GRIN3A: variants seen among roughly 807,000 people sequenced by gnomAD.
The protein encoded by GRIN3A is glutamate receptor ionotropic, NMDA 3A.
A neutral mutation model predicts 92.4 loss-of-function variants in GRIN3A; 47 were observed. That is an observed-to-expected ratio of 0.51 (90% CI 0.40 to 0.65). The LOEUF is 0.65. GRIN3A is among the 30% of genes least tolerant of loss of function. The pLI is 0.00. For missense variants in GRIN3A, 1,324 were observed against 1,393.1 expected, an observed-to-expected ratio of 0.95 and a Z score of 0.79; for synonymous variants, 527 against 540.6, an observed-to-expected ratio of 0.97 and a Z score of 0.35.
At chr9:101,666,058 T>C (rs932365989) in intron 3 of GRIN3A, among the ~76,000 whole-genome samples, 1 of 151,920 alleles carries the variant, frequency 6.6e-6, no homozygotes, top group Non-Finnish European at 1.5e-5. Flanking sequence ...GCTGCATGAA[T>C]TTATGAGTCA....
chr9:101,712,360 A>G (rs1323432195), intron 1 of GRIN3A, among the ~76,000 whole-genome samples: 2 of 152,182 alleles, frequency 1.3e-5, no homozygotes, highest in Non-Finnish European at 2.9e-5. Flanking sequence ...TTTGAACTAC[A>G]GAGTGCAATT....
chr9:101,599,343 C>A (rs1828181650), intron 6 of GRIN3A, among the ~76,000 whole-genome samples: 3 of 152,156 alleles, frequency 2.0e-5, no homozygotes, highest in Non-Finnish European at 4.4e-5. Context: ...CCATTCTACT[C>A]TGTGCTGTAG....
At chr9:101,707,233 CAT>C (rs1829824778) in intron 1 of GRIN3A, among the ~76,000 whole-genome samples, 1 of 152,236 alleles carries the variant, frequency 6.6e-6, no homozygotes, top group Non-Finnish European at 1.5e-5. Flanking sequence ...GTTGTAGCTA[CAT>C]CAGCAGAAAT....
At chr9:101,711,926 G>A (rs959699417) in intron 1 of GRIN3A, among the ~76,000 whole-genome samples, 1 of 152,146 alleles carries the variant, frequency 6.6e-6, no homozygotes, top group African/African-American at 2.4e-5. Flanking sequence ...TCAACCAGCA[G>A]GGTAAAGGTC....
chr9:101,577,931 T>C, intron 7 of GRIN3A, 87 bp from the exon 8 acceptor site: 1 of 945,824 alleles, frequency 1.1e-6, no homozygotes, highest in East Asian at 2.4e-5. Context: ...TAACAGTATA[T>C]GTAGTCGTTA....
At chr9:101,637,365 A>T (rs533053716) in intron 3 of GRIN3A, among the ~76,000 whole-genome samples, 54 of 152,178 alleles carry the variant, frequency 3.5e-4, no homozygotes, top group African/African-American at 1.2e-3. Context: ...AGCACTGGAC[A>T]TTTTAACATT....
intron 3 of GRIN3A, among the ~76,000 whole-genome samples, chr9:101,665,575 A>T (rs1466188378): frequency 6.6e-6 from 1 of 151,990 alleles, no homozygotes; most frequent in Non-Finnish European, 1.5e-5. Context: ...TAAAGCAGAT[A>T]GTAAGTCAGT....
At chr9:101,576,760 G>A (rs1827833134) in intron 8 of GRIN3A, among the ~76,000 whole-genome samples, 1 of 152,140 alleles carries the variant, frequency 6.6e-6, no homozygotes, top group African/African-American at 2.4e-5. Context: ...TGAGAGGGGA[G>A]GGGAGAGTGC....
intron 3 of GRIN3A, among the ~76,000 whole-genome samples, chr9:101,638,890 T>A (rs912645976): frequency 1.3e-5 from 2 of 152,220 alleles, no homozygotes; most frequent in Non-Finnish European, 2.9e-5. Flanking sequence ...AGTTCAGCCA[T>A]TGTACATGTA....
At chr9:101,670,036 A>G (rs768453841) in intron 3 of GRIN3A, 24 bp downstream of exon 3, 5 of 1,514,618 alleles carry the variant, frequency 3.3e-6, no homozygotes, top group Non-Finnish European at 3.7e-6. Context: ...CAATCAAGAA[A>G]GCTAAAGTAA....
chr9:101,575,181 C>CT (rs1237096863), intron 8 of GRIN3A, among the ~76,000 whole-genome samples: 2 of 152,150 alleles, frequency 1.3e-5, no homozygotes, highest in Non-Finnish European at 2.9e-5. Context: ...GCCTCATAGT[C>CT]TAAGTTTTAT....
chr9:101,622,030 A>G (rs1171576246), intron 5 of GRIN3A, among the ~76,000 whole-genome samples: 1 of 152,220 alleles, frequency 6.6e-6, no homozygotes, highest in Non-Finnish European at 1.5e-5. Flanking sequence ...TTAATAGAAG[A>G]CCACTACTGC....
chr9:101,605,464 C>T (rs1033614790), intron 6 of GRIN3A, among the ~76,000 whole-genome samples: 9 of 152,164 alleles, frequency 5.9e-5, no homozygotes, highest in African/African-American at 2.2e-4. Flanking sequence ...TGCACCTATA[C>T]CATGCTCCTT....
At chr9:101,650,817 C>G (rs1001810291) in intron 3 of GRIN3A, among the ~76,000 whole-genome samples, 5 of 151,788 alleles carry the variant, frequency 3.3e-5, no homozygotes, top group African/African-American at 1.2e-4. Context: ...GGAATTCCAC[C>G]CCCCCACACA....
At chr9:101,584,358 A>G (rs371313820) in intron 6 of GRIN3A, among the ~76,000 whole-genome samples, 143 of 152,306 alleles carry the variant, frequency 9.4e-4, no homozygotes, top group African/African-American at 3.3e-3. Flanking sequence ...GTTAATTTAC[A>G]TTAGTATATA....
At chr9:101,693,705 A>G (rs1037050471) in intron 1 of GRIN3A, among the ~76,000 whole-genome samples, 7 of 152,144 alleles carry the variant, frequency 4.6e-5, no homozygotes, top group East Asian at 1.9e-4. Context: ...CAGTGTGCAC[A>G]TGGCTTCCCA....
chr9:101,660,388 C>G (rs1239525250), intron 3 of GRIN3A, among the ~76,000 whole-genome samples: 1 of 151,786 alleles, frequency 6.6e-6, no homozygotes, highest in Non-Finnish European at 1.5e-5. Context: ...GAGAGGTGCT[C>G]CCACCCTCTA....
At chr9:101,573,611 G>A in intron 8 of GRIN3A, 98 bp from the exon 9 acceptor site, 1 of 956,160 alleles carries the variant, frequency 1.0e-6, no homozygotes, top group South Asian at 1.3e-5. Flanking sequence ...ATATGGAGCT[G>A]GGTGTGCATT....
At chr9:101,611,471 A>C (rs927467171) in intron 6 of GRIN3A, among the ~76,000 whole-genome samples, 1 of 152,184 alleles carries the variant, frequency 6.6e-6, no homozygotes. Context: ...ATAAGGTCAC[A>C]TTCTGAAGTT....
Sources: allele counts gnomAD v4.1 joint callset (sites outside exome capture counted in the v4.1 genomes callset), GRCh38; gene constraint gnomAD v4.1.1; transcripts MANE v1.5; gene names NCBI Gene and HGNC (gene_info 2026-07-23, HGNC 2026-07-21).